Variants in NTN1 observed in about 807,000 individuals in gnomAD.
NTN1 encodes the protein netrin 1.
A neutral mutation model predicts 54.2 loss-of-function variants in NTN1; 11 were observed. The ratio of observed to expected loss-of-function variants is 0.20; its 90% CI spans 0.13 to 0.34. The LOEUF is 0.34. NTN1 is among the 10% of genes least tolerant of loss of function. The pLI, the probability that NTN1 is intolerant of heterozygous loss-of-function variation, is 1.00. For synonymous variants in NTN1, 371 were observed against 382.0 expected (o/e 0.97, Z 0.33); for missense variants, 740 against 893.1 (o/e 0.83, Z 2.18).
At chr17:9,160,466 A>G (rs2092354075) in intron 2 of NTN1, among the ~76,000 whole-genome samples, 1 of 151,754 alleles carries the variant, frequency 6.6e-6, no homozygotes, top group Non-Finnish European at 1.5e-5. Context: ...CATTATTATG[A>G]AAAAAAACCC....
chr17:9,068,325 G>A (rs2092021953), intron 2 of NTN1, among the ~76,000 whole-genome samples: 2 of 152,116 alleles, frequency 1.3e-5, no homozygotes, highest in Non-Finnish European at 2.9e-5. Context: ...AGAACCAAAG[G>A]CATGTGCACC....
chr17:9,146,097 C>T (rs1597505271), intron 2 of NTN1, among the ~76,000 whole-genome samples: 1 of 152,136 alleles, frequency 6.6e-6, no homozygotes, highest in East Asian at 1.9e-4. Context: ...TGTGCCCTTT[C>T]AAGCACATTC....
intron 3 of NTN1, chr17:9,176,332 T>A (rs939803532): frequency 2.0e-5 from 3 of 152,466 alleles, no homozygotes; most frequent in Admixed American, 6.5e-5. Context: ...TCTGCTTGTA[T>A]CTGTGTGTTT....
chr17:9,110,561 C>T (rs1302122172), intron 2 of NTN1, among the ~76,000 whole-genome samples: 2 of 152,156 alleles, frequency 1.3e-5, no homozygotes, highest in Non-Finnish European at 2.9e-5. Context: ...GCCTGAGCCA[C>T]CGCACCCAGC....
rs554859337 is a variant in NTN1 at position 9,164,563 on chromosome 17, G to A, written c.1207+1562G>A. ...ACCAAGCTGGTGCCCTTCTGAGCACGGGGCCCATGAATCCAACCCAGCCCT... is the reference window on the plus strand; with the variant it reads ...ACCAAGCTGGTGCCCTTCTGAGCACAGGGCCCATGAATCCAACCCAGCCCT... On this transcript the variant is annotated intron_variant, in intron 3 of 6. Coordinates refer to ENST00000173229, the MANE Select transcript of NTN1 (RefSeq NM_004822.3). 6.0e-4 allele frequency among the ~76,000 whole-genome samples: 91 copies of A among 152,244 alleles called. 2 individuals carry two copies. The highest frequency in any genetic ancestry group is 2.0e-3 in the African/African-American group (84 of 41,530).
chr17:9,211,774 A>G lies in NTN1; in HGVS notation c.1412-9394A>G, dbSNP rs1905113405. On this transcript the variant is annotated intron_variant, in intron 5 of 6. Transcript: ENST00000173229. The surrounding 1 kb of genome is among the most constrained non-coding windows in gnomAD (Gnocchi z 4.4). ...TGTTGGTTTATGTTTTGTTTCTTTG[A>G]TAATTTGAGATTGAACATGGGTGCA... Among the ~76,000 whole-genome samples the G allele has an allele frequency of 6.6e-6, 1 of 152,100 alleles. No individual in the cohort carries two copies. The highest frequency in any genetic ancestry group is 2.4e-5 in the African/African-American group (1 of 41,414).
chr17:9,189,891 A>G (rs542395966), intron 5 of NTN1, among the ~76,000 whole-genome samples: 6 of 152,208 alleles, frequency 3.9e-5, no homozygotes, highest in Non-Finnish European at 8.8e-5. Context: ...GGTGAGCACT[A>G]GAGAACAGTT....
At chr17:9,132,675 G>A (rs918588726) in intron 2 of NTN1, among the ~76,000 whole-genome samples, 10 of 152,120 alleles carry the variant, frequency 6.6e-5, no homozygotes, top group African/African-American at 1.9e-4. Flanking sequence ...GGGAGTTCAA[G>A]ACCAGCCTGA....
At chr17:9,168,904 G>A (rs910393842) in intron 3 of NTN1, among the ~76,000 whole-genome samples, 2 of 152,154 alleles carry the variant, frequency 1.3e-5, no homozygotes, top group African/African-American at 2.4e-5. Flanking sequence ...TGGCTGGAGC[G>A]GCTCCAGCTT....
intron 2 of NTN1, among the ~76,000 whole-genome samples, chr17:9,108,130 A>G (rs1165787892): frequency 6.6e-6 from 1 of 152,202 alleles, no homozygotes; most frequent in Non-Finnish European, 1.5e-5. Context: ...CACTAATTCA[A>G]GGAGGAAGGG....
chr17:9,151,793 TTGTC>T (rs988849964), intron 2 of NTN1, among the ~76,000 whole-genome samples: 2 of 151,996 alleles, frequency 1.3e-5, no homozygotes, highest in Non-Finnish European at 2.9e-5. Context: ...ATTGGGAAAA[TTGTC>T]TGTCTTACAA....
At chr17:9,150,278 T>C (rs550049163) in intron 2 of NTN1, among the ~76,000 whole-genome samples, 1 of 152,266 alleles carries the variant, frequency 6.6e-6, no homozygotes, top group South Asian at 2.1e-4. Context: ...GTGAAACTGT[T>C]TTTGTCCTGA....
At chr17:9,156,934 A>G (rs760098946) in intron 2 of NTN1, among the ~76,000 whole-genome samples, 1 of 151,580 alleles carries the variant, frequency 6.6e-6, no homozygotes, top group Non-Finnish European at 1.5e-5. Context: ...GCATGCGTCC[A>G]TCCATCCATC....
Position 9,022,343 on chromosome 17 carries a change from C to A in NTN1, c.-31C>A. On this transcript the variant is annotated 5_prime_UTR_variant, in exon 2 of 7. Coordinates refer to ENST00000173229, the MANE Select transcript of NTN1 (RefSeq NM_004822.3). ...CTGCGGCAGGCGGACAGATCCTCGG[C>A]GCGGCAGGGCCGGGGCAAGCTGGAC... is the stretch of plus-strand genomic sequence containing the variant. 5 of 1,272,442 alleles carry A rather than the reference C, an allele frequency of 3.9e-6. No homozygotes were observed. Among genetic ancestry groups the A allele is most frequent in the Non-Finnish European group, 3.9e-6 (4 of 1,014,938 alleles). The allele number at this position is 1,272,442 out of a possible 1,614,324, so 78.8% of individuals were successfully genotyped here.
At position 9,135,868 on chromosome 17, in the gene NTN1, CAT is replaced by C. The variant is rs1188332650; in HGVS notation, c.1019-26944_1019-26943del. Among the ~76,000 whole-genome samples, 1 of 152,218 alleles carries C rather than the reference CAT, an allele frequency of 6.6e-6. No homozygotes were observed. Among genetic ancestry groups the C allele is most frequent in the Non-Finnish European group, 1.5e-5 (1 of 68,044 alleles). The stretch of plus-strand genomic sequence containing the variant: ...TTCACTCCCTGAGCTCCTCTTCACA[CAT>C]GTCGACTGAGCACAGCCCATACTCA... On this transcript the variant is annotated intron_variant, in intron 2 of 6. Coordinates refer to ENST00000173229, the MANE Select transcript of NTN1 (RefSeq NM_004822.3). This position sits in a 1 kb window ranked among gnomAD's most constrained non-coding sequence, Gnocchi z 4.4.
intron 2 of NTN1, among the ~76,000 whole-genome samples, chr17:9,134,922 T>A (rs2092276442): frequency 6.6e-6 from 1 of 152,128 alleles, no homozygotes; most frequent in African/African-American, 2.4e-5. Flanking sequence ...TGAGAAAGCT[T>A]ATTCCAGAAC....
chr17:9,209,270 A>G (rs1194221250), intron 5 of NTN1, among the ~76,000 whole-genome samples: 3 of 152,250 alleles, frequency 2.0e-5, no homozygotes, highest in South Asian at 4.1e-4. Flanking sequence ...AGCCCTGCTC[A>G]GTAGATTTCC....
intron 5 of NTN1, among the ~76,000 whole-genome samples, chr17:9,191,518 A>C (rs1411011435): frequency 6.6e-6 from 1 of 152,228 alleles, no homozygotes; most frequent in Non-Finnish European, 1.5e-5. Flanking sequence ...AATAAAAGGC[A>C]AACTAAAAGC....
chr17:9,078,437 A>G (rs1409168988), intron 2 of NTN1, among the ~76,000 whole-genome samples: 1 of 152,184 alleles, frequency 6.6e-6, no homozygotes, highest in African/African-American at 2.4e-5. Context: ...TGAGGGATGG[A>G]GCGTGAGCAT....
Sources: allele counts gnomAD v4.1 joint callset (sites outside exome capture counted in the v4.1 genomes callset), GRCh38; gene constraint gnomAD v4.1.1; non-coding constraint Gnocchi (gnomAD v3.1); transcripts MANE v1.5; gene names NCBI Gene and HGNC (gene_info 2026-07-23, HGNC 2026-07-21).